IL17F: variants seen among roughly 807,000 people sequenced by gnomAD.
The protein encoded by IL17F is interleukin 17F, also known as interleukin-17F.
IL17F carries 6 observed loss-of-function variants against 8.3 expected under a neutral mutation model. That is an observed-to-expected ratio of 0.73 (90% CI 0.40 to 1.43). IL17F has a LOEUF of 1.43. Among genes scored for constraint, IL17F ranks in the 40% most tolerant of loss-of-function variants. The pLI is 0.02. For missense variants in IL17F, 204 were observed against 209.6 expected, an observed-to-expected ratio of 0.97 and a Z score of 0.17; for synonymous variants, 98 against 81.6, an observed-to-expected ratio of 1.20 and a Z score of -1.08.
intron 1 of IL17F, among the ~76,000 whole-genome samples, chr6:52,240,119 C>G (rs981974310): frequency 1.3e-5 from 2 of 152,178 alleles, no homozygotes; most frequent in African/African-American, 4.8e-5. Flanking sequence ...CAAGGCCCAT[C>G]ACCAACTCTC....
chr6:52,237,289 G>A, intron 2 of IL17F, 121 bp from the exon 3 acceptor site: 1 of 731,988 alleles, frequency 1.4e-6, no homozygotes, highest in Admixed American at 2.3e-5. Flanking sequence ...TGTGGCACAG[G>A]TTCTGGAGCC....
At chr6:52,240,118 T>C (rs935428671) in intron 1 of IL17F, among the ~76,000 whole-genome samples, 1 of 152,126 alleles carries the variant, frequency 6.6e-6, no homozygotes, top group African/African-American at 2.4e-5. Context: ...GCAAGGCCCA[T>C]CACCAACTCT....
intron 1 of IL17F, among the ~76,000 whole-genome samples, chr6:52,242,304 T>C (rs1361964085): frequency 6.6e-6 from 1 of 152,232 alleles, no homozygotes; most frequent in Non-Finnish European, 1.5e-5. Context: ...TGAGCTCACC[T>C]GAGCAACCTG....
Position 52,238,952 on chromosome 6 carries a change from T to C in IL17F, c.34-2A>G. The C allele has an allele frequency of 1.9e-6, 3 of 1,612,582 alleles. No individual in the cohort carries two copies. In the South Asian group the frequency reaches 3.3e-5, roughly 18 times the overall value. ...TATCGACAGCAGCAAGTACTTGACC[T>C]GGAAAATAGAAGACGCTGCAATCAG... On this transcript the variant is annotated splice_acceptor_variant, in intron 1 of 2. Coordinates refer to ENST00000336123, the MANE Select transcript of IL17F (RefSeq NM_052872.4). LOFTEE classifies it high-confidence loss of function.
chr6:52,239,939 T>A (rs548928747), intron 1 of IL17F, among the ~76,000 whole-genome samples: 1 of 152,330 alleles, frequency 6.6e-6, no homozygotes, highest in African/African-American at 2.4e-5. Context: ...GGAGCATTTT[T>A]TTTATACTTA....
upstream of IL17F, among the ~76,000 whole-genome samples, chr6:52,244,842 C>T (rs1231423552): frequency 1.3e-5 from 2 of 152,166 alleles, no homozygotes; most frequent in Admixed American, 1.3e-4. Flanking sequence ...ACCATATGTT[C>T]TACTTTCCAG....
intron 1 of IL17F, among the ~76,000 whole-genome samples, chr6:52,243,107 G>C (rs11465545): frequency 0.026 from 3,992 of 152,250 alleles, 166 homozygotes; most frequent in African/African-American, 0.087. Flanking sequence ...ATGGCACTTT[G>C]CTGAGCTACA....
upstream of IL17F, among the ~76,000 whole-genome samples, chr6:52,244,947 A>G (rs971019059): frequency 2.6e-5 from 4 of 152,210 alleles, no homozygotes; most frequent in African/African-American, 7.2e-5. Flanking sequence ...ATGAATGGGA[A>G]AACAAAACTA....
At chr6:52,244,666 G>C (rs1764132687), upstream of IL17F, 1 of 559,148 alleles carries the variant, frequency 1.8e-6, no homozygotes, top group Non-Finnish European at 3.2e-6. Context: ...CTAAAGAAAG[G>C]GATGACAGGA....
upstream of IL17F, among the ~76,000 whole-genome samples, chr6:52,244,783 T>C (rs950997776): frequency 8.5e-5 from 13 of 152,228 alleles, no homozygotes; most frequent in African/African-American, 3.1e-4. Context: ...TAGAAATTGT[T>C]GTCAAATCTT....
chr6:52,244,325 A>G (rs541670116), intron 1 of IL17F, 72 bp downstream of exon 1: 2 of 1,437,126 alleles, frequency 1.4e-6, no homozygotes, highest in Non-Finnish European at 2.0e-6. Flanking sequence ...ATCAAACCTA[A>G]TTCCTTAGGA....
chr6:52,245,026 C>G (rs1764139490), upstream of IL17F, among the ~76,000 whole-genome samples: 1 of 152,176 alleles, frequency 6.6e-6, no homozygotes, highest in African/African-American at 2.4e-5. Context: ...TCTCCCTGAA[C>G]TAATTATTTT....
At chr6:52,240,782 C>T (rs1162050963) in intron 1 of IL17F, among the ~76,000 whole-genome samples, 2 of 151,824 alleles carry the variant, frequency 1.3e-5, no homozygotes, top group Non-Finnish European at 2.9e-5. Flanking sequence ...ACAACTAGCT[C>T]TTGACTTTAC....
chr6:52,236,956 G>C lies in IL17F; in HGVS notation c.467C>G (p.Thr156Ser). ...TTACTGCACATGGTGGATGACAGGG[G>C]TGACGCAGGTGCAGCCAACAGTCAC... is the stretch of plus-strand genomic sequence containing the variant. ...VLVTVGCTCV[T>S]PVIHHVQ The change falls in exon 3 of 3, where the codon ACC becomes AGC. Residue 156 changes from threonine (T) to serine (S), a missense_variant. Coordinates refer to ENST00000336123, the MANE Select transcript of IL17F (RefSeq NM_052872.4). The C allele has an allele frequency of 6.2e-7, 1 of 1,614,024 alleles. No homozygotes were observed. Among genetic ancestry groups the C allele is most frequent in the Non-Finnish European group, 8.5e-7 (1 of 1,179,866 alleles).
chr6:52,237,244 G>A (rs1336312003), intron 2 of IL17F, 76 bp from the exon 3 acceptor site: 2 of 1,142,360 alleles, frequency 1.8e-6, no homozygotes, highest in Non-Finnish European at 2.6e-6. Context: ...CCACAGCACT[G>A]AGTGTTCACC....
At chr6:52,238,002 G>A (rs1419199308) in intron 2 of IL17F, among the ~76,000 whole-genome samples, 2 of 152,196 alleles carry the variant, frequency 1.3e-5, no homozygotes, top group Admixed American at 6.5e-5. Flanking sequence ...GCCCTAGGGC[G>A]CCCCATAGTA....
chr6:52,238,175 G>A (rs1764003527), intron 2 of IL17F, among the ~76,000 whole-genome samples: 1 of 152,182 alleles, frequency 6.6e-6, no homozygotes, highest in South Asian at 2.1e-4. Flanking sequence ...CACTTCAATT[G>A]TCCCTGGAAT....
chr6:52,238,442 T>G (rs1764008619), intron 2 of IL17F, among the ~76,000 whole-genome samples: 1 of 152,290 alleles, frequency 6.6e-6, no homozygotes, highest in South Asian at 2.1e-4. Context: ...TAAAGAACCC[T>G]CTCTTCCAAC....
intron 1 of IL17F, among the ~76,000 whole-genome samples, chr6:52,241,223 C>T (rs528249386): frequency 1.7e-4 from 26 of 152,178 alleles, no homozygotes; most frequent in Non-Finnish European, 3.2e-4. Context: ...GGATTACATA[C>T]GTGCGCCACC....
Sources: allele counts gnomAD v4.1 joint callset (sites outside exome capture counted in the v4.1 genomes callset), GRCh38; gene constraint gnomAD v4.1.1; transcripts MANE v1.5; gene names NCBI Gene and HGNC (gene_info 2026-07-23, HGNC 2026-07-21).